MAGI1: variants seen among roughly 807,000 people sequenced by gnomAD.
MAGI1 encodes the protein membrane associated guanylate kinase, WW and PDZ domain containing 1.
A neutral mutation model predicts 139.9 loss-of-function variants in MAGI1; 58 were observed. That is an observed-to-expected ratio of 0.41 (90% CI 0.34 to 0.52). MAGI1 has a LOEUF of 0.52. MAGI1 is among the 20% of genes least tolerant of loss of function. The pLI is 0.12. For synonymous variants in MAGI1, 812 were observed against 737.9 expected, an observed-to-expected ratio of 1.10 and a Z score of -1.63; for missense variants, 1,874 against 1,901.6, an observed-to-expected ratio of 0.99 and a Z score of 0.27.
intron 3 of MAGI1, among the ~76,000 whole-genome samples, chr3:65,489,824 G>A (rs1334761009): frequency 6.6e-6 from 1 of 152,170 alleles, no homozygotes; most frequent in Non-Finnish European, 1.5e-5. Context: ...TATGGAAGAG[G>A]GGAAACAAGT....
intron 2 of MAGI1, among the ~76,000 whole-genome samples, chr3:65,504,490 C>A (rs2107714228): frequency 6.6e-6 from 1 of 152,188 alleles, no homozygotes; most frequent in South Asian, 2.1e-4. Context: ...AGTGTCAGGA[C>A]CAGGACTTGA....
intron 1 of MAGI1, among the ~76,000 whole-genome samples, chr3:65,959,629 T>TTA (rs1172996945): frequency 1.4e-5 from 2 of 144,534 alleles, no homozygotes; most frequent in Non-Finnish European, 3.0e-5. Flanking sequence ...ATTATTATTA[T>TTA]TATTATTATT....
intron 18 of MAGI1, among the ~76,000 whole-genome samples, chr3:65,365,382 G>A (rs1406617138): frequency 1.3e-5 from 2 of 152,190 alleles, no homozygotes; most frequent in East Asian, 1.9e-4. Flanking sequence ...TTAGTGAGTC[G>A]GCTTAATTTC....
chr3:65,789,803 G>A (rs9814172), intron 1 of MAGI1, among the ~76,000 whole-genome samples: 14,010 of 148,440 alleles, frequency 0.094, 824 homozygotes, highest in African/African-American at 0.17. Context: ...AACAAAAACA[G>A]AAACAAAAAA....
intron 1 of MAGI1, among the ~76,000 whole-genome samples, chr3:65,875,668 G>A (rs2060088364): frequency 6.6e-6 from 1 of 152,172 alleles, no homozygotes; most frequent in African/African-American, 2.4e-5. Flanking sequence ...AGGTCATACT[G>A]TAGTTCCCTT....
intron 2 of MAGI1, among the ~76,000 whole-genome samples, chr3:65,611,325 T>C (rs148902916): frequency 1.0e-3 from 142 of 142,098 alleles, no homozygotes; most frequent in African/African-American, 3.6e-3. Flanking sequence ...ATATGTACAC[T>C]ATATACTATA....
At chr3:65,674,175 T>A (rs1324494854) in intron 1 of MAGI1, among the ~76,000 whole-genome samples, 3 of 152,176 alleles carry the variant, frequency 2.0e-5, no homozygotes, top group Non-Finnish European at 4.4e-5. Context: ...GCAATGACCA[T>A]AACAAAAGAG....
chr3:65,742,465 T>C lies in MAGI1; in HGVS notation c.314-120377A>G, dbSNP rs114185008. On this transcript the variant is annotated intron_variant, in intron 1 of 22. Transcript: ENST00000402939. ...CAGAATGTGACTTGGGGCTCCACCA[T>C]GAATGTTCATATGGGCTTTGGGGCA... Among the ~76,000 whole-genome samples, 504 of 152,280 alleles carry C rather than the reference T, an allele frequency of 3.3e-3. 3 individuals carry two copies. The highest frequency in any genetic ancestry group is 0.011 in the African/African-American group (475 of 41,560).
At chr3:65,958,040 T>C (rs1378877707) in intron 1 of MAGI1, among the ~76,000 whole-genome samples, 1 of 152,154 alleles carries the variant, frequency 6.6e-6, no homozygotes, top group East Asian at 1.9e-4. Context: ...ATTACAGGTG[T>C]GAGCCACCGC....
At chr3:65,727,759 T>A (rs545476206) in intron 1 of MAGI1, among the ~76,000 whole-genome samples, 20 of 152,248 alleles carry the variant, frequency 1.3e-4, no homozygotes, top group African/African-American at 4.6e-4. Flanking sequence ...GGACACCCAG[T>A]CTCCCTCAGA....
intron 1 of MAGI1, among the ~76,000 whole-genome samples, chr3:65,706,632 A>T (rs893527907): frequency 1.3e-5 from 2 of 152,210 alleles, no homozygotes; most frequent in African/African-American, 4.8e-5. Flanking sequence ...AGTGAAAGAT[A>T]AGGAGGATCC....
At chr3:65,723,486 C>A (rs1399973683) in intron 1 of MAGI1, among the ~76,000 whole-genome samples, 1 of 152,150 alleles carries the variant, frequency 6.6e-6, no homozygotes, top group Admixed American at 6.5e-5. Flanking sequence ...GCTGTAGAAT[C>A]TCCTCAAGCA....
At chr3:65,881,465 A>C (rs1160940533) in intron 1 of MAGI1, among the ~76,000 whole-genome samples, 1 of 152,022 alleles carries the variant, frequency 6.6e-6, no homozygotes, top group Non-Finnish European at 1.5e-5. Flanking sequence ...CATCTCTAAA[A>C]AATTTTTTGT....
At chr3:65,928,428 T>A (rs2062630600) in intron 1 of MAGI1, among the ~76,000 whole-genome samples, 1 of 152,210 alleles carries the variant, frequency 6.6e-6, no homozygotes, top group Non-Finnish European at 1.5e-5. Flanking sequence ...GATATTGAAC[T>A]GGTACCATTG....
intron 1 of MAGI1, among the ~76,000 whole-genome samples, chr3:65,851,618 A>G (rs1364768988): frequency 6.6e-6 from 1 of 152,056 alleles, no homozygotes; most frequent in African/African-American, 2.4e-5. Flanking sequence ...GCGTGGTGGC[A>G]TACACCTGTC....
chr3:65,384,862 T>C lies in MAGI1; in HGVS notation c.2417-1239A>G, dbSNP rs529866108. Among the ~76,000 whole-genome samples, 7 of 152,302 alleles carry C rather than the reference T, an allele frequency of 4.6e-5. No homozygotes were observed. In the East Asian group the frequency reaches 1.4e-3, roughly 29 times the overall value. On this transcript the variant is annotated intron_variant, in intron 14 of 22. Transcript: ENST00000402939. ...GGATTTAAGCATCCATGGATTTTTA[T>C]ATCCTTGGTGGGGGATGCGGGTGTC... is the stretch of plus-strand genomic sequence containing the variant.
intron 1 of MAGI1, among the ~76,000 whole-genome samples, chr3:65,797,502 G>A (rs1028958629): frequency 6.6e-6 from 1 of 152,090 alleles, no homozygotes; most frequent in Non-Finnish European, 1.5e-5. Flanking sequence ...CCATGCAGAC[G>A]GCTTGAGCCC....
At chr3:65,594,419 G>C (rs1341393038) in intron 2 of MAGI1, among the ~76,000 whole-genome samples, 1 of 152,162 alleles carries the variant, frequency 6.6e-6, no homozygotes, top group Non-Finnish European at 1.5e-5. Context: ...ACAAGACCGA[G>C]GAAGCAAAGG....
chr3:65,921,131 A>T (rs2062159419), intron 1 of MAGI1, among the ~76,000 whole-genome samples: 1 of 152,202 alleles, frequency 6.6e-6, no homozygotes, highest in African/African-American at 2.4e-5. Context: ...CAGAAAATGC[A>T]AACATATAAT....
Sources: allele counts gnomAD v4.1 joint callset (sites outside exome capture counted in the v4.1 genomes callset), GRCh38; gene constraint gnomAD v4.1.1; transcripts MANE v1.5; gene names NCBI Gene and HGNC (gene_info 2026-07-23, HGNC 2026-07-21).